The following CFAP276 variants were observed in gnomAD, a reference collection of about 807,000 sequenced individuals.
CFAP276 encodes the protein cilia and flagella associated protein 276.
At chr1:109,111,303 C>CA in the CFAP276 span, among the ~76,000 whole-genome samples, 1 of 151,910 alleles carries the variant, frequency 6.6e-6, no homozygotes, top group Admixed American at 6.6e-5. Flanking sequence ...CCTGGTTCTA[C>CA]AAAAAAATAA....
chr1:109,107,821 T>A, the CFAP276 span: 1 of 961,880 alleles, frequency 1.0e-6, no homozygotes. Context: ...CAGGCTACGG[T>A]AAACCATGAT....
the CFAP276 span, chr1:109,112,449 A>C: frequency 2.6e-5 from 30 of 1,167,560 alleles, no homozygotes; most frequent in Non-Finnish European, 3.1e-5. Context: ...TTGAATATGG[A>C]GATAGGGAGG....
chr1:109,108,738 G>A, the CFAP276 span, among the ~76,000 whole-genome samples: 1 of 152,176 alleles, frequency 6.6e-6, no homozygotes, highest in African/African-American at 2.4e-5. Context: ...AGAAGTCTTG[G>A]TTGTCCACAT....
At chr1:109,107,479 C>T in the CFAP276 span, among the ~76,000 whole-genome samples, 1 of 152,150 alleles carries the variant, frequency 6.6e-6, no homozygotes, top group Non-Finnish European at 1.5e-5. Flanking sequence ...AAAACCTAAG[C>T]CTTCTGGCTT....
the CFAP276 span, chr1:109,106,966 C>T: frequency 6.8e-7 from 1 of 1,460,666 alleles, no homozygotes; most frequent in Non-Finnish European, 9.6e-7. Context: ...GACTGGATGG[C>T]AGCATGTTTA....
the CFAP276 span, chr1:109,106,739 A>C: frequency 7.7e-5 from 114 of 1,481,398 alleles, no homozygotes; most frequent in Non-Finnish European, 9.8e-5. Flanking sequence ...GTTGAATGTG[A>C]TCTCAAGAAT....
At chr1:109,112,673 G>A in the CFAP276 span, 1 of 1,550,422 alleles carries the variant, frequency 6.4e-7, no homozygotes, top group Non-Finnish European at 8.7e-7. Flanking sequence ...TCCCGGGTGG[G>A]AGGCATGGCT....
the CFAP276 span, among the ~76,000 whole-genome samples, chr1:109,109,404 C>T: frequency 2.7e-5 from 4 of 149,630 alleles, no homozygotes; most frequent in South Asian, 2.2e-4. Flanking sequence ...GCCGAGATCG[C>T]GCCACTGCAC....
At chr1:109,112,855 G>A in the CFAP276 span, 3 of 1,068,888 alleles carry the variant, frequency 2.8e-6, no homozygotes, top group Non-Finnish European at 3.8e-6. Context: ...CCTGGCGGCT[G>A]ACCACGGGAG....
At chr1:109,108,072 T>C in the CFAP276 span, 17 of 1,444,230 alleles carry the variant, frequency 1.2e-5, no homozygotes, top group South Asian at 1.8e-4. Context: ...GACAACCTGG[T>C]TATACGGGAA....
At chr1:109,113,515 C>G in the CFAP276 span, 3 of 1,107,570 alleles carry the variant, frequency 2.7e-6, no homozygotes, top group Non-Finnish European at 4.0e-6. Flanking sequence ...AAACTCCTCG[C>G]TTAAACTCGG....
the CFAP276 span, among the ~76,000 whole-genome samples, chr1:109,107,488 T>G: frequency 6.6e-6 from 1 of 152,224 alleles, no homozygotes; most frequent in Non-Finnish European, 1.5e-5. Flanking sequence ...GCCTTCTGGC[T>G]TCCCAGAGGC....
At chr1:109,106,505 C>T in the CFAP276 span, 2 of 1,609,406 alleles carry the variant, frequency 1.2e-6, no homozygotes, top group South Asian at 1.1e-5. Context: ...CCCACTGCCC[C>T]ATCTGCTTAC....
the CFAP276 span, among the ~76,000 whole-genome samples, chr1:109,110,061 AC>A: frequency 6.6e-6 from 1 of 152,142 alleles, no homozygotes; most frequent in Non-Finnish European, 1.5e-5. Flanking sequence ...GAAAGTCCAG[AC>A]TGTCAAGCAT....
the CFAP276 span, chr1:109,113,680 T>G: frequency 6.2e-7 from 1 of 1,614,040 alleles, no homozygotes; most frequent in Non-Finnish European, 8.5e-7. Flanking sequence ...CTCTCCATCT[T>G]CTTTCTCTCG....
the CFAP276 span, among the ~76,000 whole-genome samples, chr1:109,111,530 A>T: frequency 6.6e-6 from 1 of 151,880 alleles, no homozygotes; most frequent in Admixed American, 6.6e-5. Context: ...AACCATAGCT[A>T]GCTAGCATGG....
chr1:109,112,553 G>A, the CFAP276 span: 1 of 1,547,252 alleles, frequency 6.5e-7, no homozygotes, highest in Non-Finnish European at 8.7e-7. Flanking sequence ...ACAGAAAGAA[G>A]ACTACCGGCG....
At chr1:109,106,594 T>G in the CFAP276 span, 3 of 1,614,048 alleles carry the variant, frequency 1.9e-6, no homozygotes, top group South Asian at 2.2e-5. Flanking sequence ...GTGTCTGATG[T>G]TAGCCAGGAA....
the CFAP276 span, chr1:109,107,147 G>C: frequency 3.2e-6 from 5 of 1,578,404 alleles, no homozygotes; most frequent in Non-Finnish European, 4.4e-6. Context: ...CCCCCCCAAG[G>C]TTAGCTCAGC....
Sources: allele counts gnomAD v4.1 joint callset (sites outside exome capture counted in the v4.1 genomes callset), GRCh38; gene constraint gnomAD v4.1.1; transcripts MANE v1.5; gene names NCBI Gene and HGNC (gene_info 2026-07-23, HGNC 2026-07-21).